The following BRD2 variants were observed in gnomAD, a reference collection of about 807,000 sequenced individuals.
BRD2 encodes bromodomain containing 2, also known as bromodomain-containing protein 2.
A neutral mutation model predicts 79.1 loss-of-function variants in BRD2; 15 were observed. The ratio of observed to expected loss-of-function variants is 0.19; its 90% CI spans 0.13 to 0.29. BRD2 has a LOEUF of 0.29. Among genes scored for constraint, BRD2 ranks in the 10% least tolerant of loss-of-function variants. The pLI, the probability that BRD2 is intolerant of heterozygous loss-of-function variation, is 1.00. For synonymous variants in BRD2, 488 were observed against 358.6 expected (o/e 1.36, Z -4.08); for missense variants, 1,053 against 991.3 (o/e 1.06, Z -0.84).
chr6:32,977,472 G>A lies in BRD2; in HGVS notation c.1231G>A (p.Ala411Thr). The change falls in exon 8 of 13, where the codon GCA becomes ACA. Residue 411 changes from alanine to threonine, a missense_variant. Transcript: ENST00000374825. ...GATGGAGAACCGTGATTACCGGGAT[G>A]CACAGGAGTTTGCTGCTGATGTACG... ...RKMENRDYRD[A>T]QEFAADVRLM... 6.2e-7 allele frequency: 1 copy of A among 1,614,004 alleles called. No homozygotes were observed. Among genetic ancestry groups the A allele is most frequent in the South Asian group, 1.1e-5 (1 of 91,088 alleles).
chr6:32,975,330 C>A, intron 3 of BRD2, 54 bp from the exon 4 acceptor site: 1 of 1,435,632 alleles, frequency 7.0e-7, no homozygotes, highest in Non-Finnish European at 9.5e-7. Context: ...GATCGGTAGT[C>A]TCCCTATAAG....
At chr6:32,974,314 T>A in intron 2 of BRD2, 148 bp from the exon 3 acceptor site, 1 of 774,478 alleles carries the variant, frequency 1.3e-6, no homozygotes, top group Non-Finnish European at 2.1e-6. Context: ...CTCCACAGAT[T>A]GTTTGGATAT....
rs934417963 is a variant in BRD2 at position 32,975,287 on chromosome 6, T to G, written c.334-97T>G. On this transcript the variant is annotated intron_variant, in intron 3 of 12. Transcript: ENST00000374825. ...CTGTTCCTTTGATGCATAGGGGGGG[T>G]GTGTGTGTGTGTGTGTGTGTGTGAG... 6.6e-5 allele frequency: 58 copies of G among 876,214 alleles called. 1 individual carries two copies. The Admixed American group carries it at 6.7e-4, about 10-fold the overall frequency. 54.3% of individuals were successfully genotyped at this position (876,214 alleles called of 1,614,324 possible).
intron 7 of BRD2, 146 bp from the exon 8 acceptor site, chr6:32,977,296 A>G (rs1778894343): frequency 6.3e-7 from 1 of 1,594,346 alleles, no homozygotes. Flanking sequence ...AATTCCTTTG[A>G]CTTCAAACTT....
At chr6:32,973,116 G>A in intron 2 of BRD2, 189 bp downstream of exon 2, 1 of 1,554,518 alleles carries the variant, frequency 6.4e-7, no homozygotes, top group Non-Finnish European at 8.7e-7. Context: ...TACTGCTCGT[G>A]GAGGGGAATA....
rs745403396 is a variant in BRD2 at position 32,975,426 on chromosome 6, A to G, written c.376A>G (p.Ile126Val). 41 of 1,610,852 alleles carry G rather than the reference A, an allele frequency of 2.5e-5. No individual in the cohort carries two copies. The highest frequency in any genetic ancestry group is 3.1e-5 in the Non-Finnish European group (36 of 1,178,244). Residue 126 changes from isoleucine to valine, a missense_variant, in exon 4 of 13, where the codon ATT (isoleucine) becomes GTT (valine). Transcript: ENST00000374825. Reference protein sequence around the residue: ...IIKQPMDMGTIKRRLENNYYW... With the variant: ...IIKQPMDMGTVKRRLENNYYW... ...AAAACAGCCTATGGACATGGGTACTATTAAGAGGAGACTTGAAAACAATTA... is the reference window on the plus strand; with the variant it reads ...AAAACAGCCTATGGACATGGGTACTGTTAAGAGGAGACTTGAAAACAATTA...
At position 32,981,188 on chromosome 6, in the gene BRD2, ACT is replaced by A. The variant is rs939854412; in HGVS notation, c.*473_*474del. On this transcript the variant is annotated 3_prime_UTR_variant, in exon 13 of 13. Transcript: ENST00000374825. ...TTTTTACGTTGATTTTTTTTTTTCT[ACT>A]CTGTTTTCCCTTTTTCCTTCCGCTC... 4 of 149,254 alleles carry A rather than the reference ACT, an allele frequency of 2.7e-5. No homozygotes were observed. Among genetic ancestry groups the A allele is most frequent in the Non-Finnish European group, 4.4e-5 (3 of 68,226 alleles). 9.2% of individuals were successfully genotyped at this position (149,254 alleles called of 1,614,324 possible). A position where few individuals can be genotyped will look rare whatever the true frequency, so the allele number is the denominator to read the frequency against.
chr6:32,980,516 ACTGT>A (rs1779386190), intron 12 of BRD2, 52 bp downstream of exon 12: 5 of 1,612,314 alleles, frequency 3.1e-6, no homozygotes, highest in East Asian at 2.2e-5. Context: ...TGCCTTCTTG[ACTGT>A]CTTTTATTGA....
chr6:32,977,307 G>T (rs746212119), intron 7 of BRD2, 135 bp from the exon 8 acceptor site: 4 of 1,599,822 alleles, frequency 2.5e-6, no homozygotes, highest in Non-Finnish European at 3.4e-6. Context: ...CTTCAAACTT[G>T]AACCCCAGGG....
chr6:32,976,901 A>C lies in BRD2; in HGVS notation c.1165A>C (p.Ile389Leu). ...SALGLHDYHDIIKHPMDLSTV... is the reference protein window; with the variant it reads ...SALGLHDYHDLIKHPMDLSTV... ...ACTTGGCCTGCATGACTACCATGAC[A>C]TCATTAAGCACCCCATGGACCTCAG... The change falls in exon 7 of 13, where the codon ATC becomes CTC. Residue 389 changes from isoleucine (I) to leucine (L), a missense_variant. Ile to Leu is a conservative substitution (Grantham distance 5). Coordinates refer to ENST00000374825, the MANE Select transcript of BRD2 (RefSeq NM_005104.4). 1 of 1,612,852 alleles carries C rather than the reference A, an allele frequency of 6.2e-7. No individual in the cohort carries two copies. Among genetic ancestry groups the C allele is most frequent in the Non-Finnish European group, 8.5e-7 (1 of 1,179,862 alleles).
intron 3 of BRD2, 91 bp from the exon 4 acceptor site, chr6:32,975,281 GGGGGGTGTGTGT>G (rs1778576210): frequency 2.2e-5 from 11 of 492,516 alleles, no homozygotes; most frequent in East Asian, 4.4e-5. Context: ...TGATGCATAG[GGGGGGTGTGTGT>G]GTGTGTGTGT....
In BRD2 at chr6:32,974,539, C is replaced by T. The variant is rs779883033; in HGVS notation, c.107C>T (p.Pro36Leu). ...GCACCAGGGAAGAGGATTCGAAAAC[C>T]CTCTCTCTTGTATGAGGGCTTTGAG... Reference protein sequence around the residue: ...AAAPGKRIRKPSLLYEGFESP... With the variant: ...AAAPGKRIRKLSLLYEGFESP... The change falls in exon 3 of 13, where the codon CCC becomes CTC. Residue 36 changes from proline to leucine, a missense_variant. Physicochemically the swap from Pro to Leu is moderately conservative, Grantham distance 98 (BLOSUM62 -3). Around this residue, in one of 5 missense-constraint regions of BRD2, gnomAD observed 413 missense variants for 335.1 expected, o/e 1.23. Transcript: ENST00000374825. 5.0e-6 allele frequency: 8 copies of T among 1,614,044 alleles called. No individual in the cohort carries two copies. Among genetic ancestry groups the T allele is most frequent in the East Asian group, 4.5e-5 (2 of 44,898 alleles).
rs1778042309 is a variant in BRD2, at chr6:32,971,975, G to A, written c.-924G>A. 1 of 702,726 alleles carries A rather than the reference G, an allele frequency of 1.4e-6. No individual in the cohort carries two copies. Among genetic ancestry groups the A allele is most frequent in the South Asian group, 1.5e-5 (1 of 67,520 alleles). The allele number at this position is 702,726 out of a possible 1,614,324, so 43.5% of individuals were successfully genotyped here. A position where few individuals can be genotyped will look rare whatever the true frequency, so the allele number is the denominator to read the frequency against. ...TGCGGCACTCTTCTGCCTGGTGACTGACACCTTGGAAATGAAGTTTATGAC... is the reference window on the plus strand; with the variant it reads ...TGCGGCACTCTTCTGCCTGGTGACTAACACCTTGGAAATGAAGTTTATGAC... On this transcript the variant is annotated 5_prime_UTR_variant, in exon 2 of 13. It removes the in-frame stop codon of an upstream open reading frame in the 5' UTR. Coordinates refer to ENST00000374825, the MANE Select transcript of BRD2 (RefSeq NM_005104.4).
Position 32,980,900 on chromosome 6 carries a change from G to A in BRD2, c.*182G>A. ...GGGACATTTACTGAAGGAGGGACAT[G>A]GACAAAACAACATTGAATTCCCAGC... On this transcript the variant is annotated 3_prime_UTR_variant, in exon 13 of 13. Coordinates refer to ENST00000374825, the MANE Select transcript of BRD2 (RefSeq NM_005104.4). 1.4e-6 allele frequency: 1 copy of A among 698,532 alleles called. No individual in the cohort carries two copies. The highest frequency in any genetic ancestry group is 2.3e-6 in the Non-Finnish European group (1 of 426,532). 43.3% of individuals were successfully genotyped at this position (698,532 alleles called of 1,614,324 possible).
rs773949105 is a variant in BRD2 at position 32,976,307 on chromosome 6, A to T, written c.668A>T (p.His223Leu). The change falls in exon 6 of 13, where the codon CAC becomes CTC. Residue 223 changes from histidine (H) to leucine (L), a missense_variant. Physicochemically the swap from His to Leu is moderately conservative, Grantham distance 99 (BLOSUM62 -3). Around this residue, in one of 5 missense-constraint regions of BRD2, gnomAD observed 413 missense variants for 335.1 expected, o/e 1.23. Transcript: ENST00000374825. The stretch of plus-strand genomic sequence containing the variant: ...GTGCCTGCCGTCTCTTCTGTGTCAC[A>T]CACAGCCCTGTATACTCCTCCACCT... The part of the protein sequence containing the change: ...HQVPAVSSVS[H>L]TALYTPPPEI... The T allele has an allele frequency of 6.2e-7, 1 of 1,612,782 alleles. No homozygotes were observed. Among genetic ancestry groups the T allele is most frequent in the African/African-American group, 1.3e-5 (1 of 74,858 alleles).
At chr6:32,979,779 G>A (rs1779289955) in intron 10 of BRD2, 49 bp from the exon 11 acceptor site, 1 of 1,572,054 alleles carries the variant, frequency 6.4e-7, no homozygotes, top group Non-Finnish European at 8.6e-7. Context: ...GGAACATACT[G>A]GAAGAGGTTA....
chr6:32,980,307 A>G (rs555032267), intron 11 of BRD2, 35 bp from the exon 12 acceptor site: 1 of 1,609,250 alleles, frequency 6.2e-7, no homozygotes, highest in East Asian at 2.2e-5. Context: ...TGCTTGGGGC[A>G]ATCTTAATGT....
In BRD2 at chr6:32,980,065, A is replaced by T; in HGVS notation, c.2079A>T (p.Pro693=). ...EIEIDFETLK[P]STLRELERYV... is the part of the protein sequence containing the mutation. The stretch of plus-strand genomic sequence containing the variant: ...AGATTGATTTTGAAACACTCAAGCC[A>T]TCCACACTTAGAGAGCTTGAGCGCT... Residue 693 remains proline, a synonymous_variant, in exon 11 of 13, where the codon CCA becomes CCT. Coordinates refer to ENST00000374825, the MANE Select transcript of BRD2 (RefSeq NM_005104.4). 2 of 1,613,024 alleles carry T rather than the reference A, an allele frequency of 1.2e-6. No individual in the cohort carries two copies. Among genetic ancestry groups the T allele is most frequent in the Non-Finnish European group, 8.5e-7 (1 of 1,180,026 alleles).
chr6:32,977,768 G>A lies in BRD2; in HGVS notation c.1341G>A (p.Glu447=), dbSNP rs55650066. Residue 447 remains glutamate, a synonymous_variant, in exon 9 of 13, where the codon GAG becomes GAA. Coordinates refer to ENST00000374825, the MANE Select transcript of BRD2 (RefSeq NM_005104.4). The part of the protein sequence containing the change: ...AMARKLQDVF[E]FRYAKMPDEP... Reference sequence around the variant, plus strand: ...GTGCCTCTTTGTAGGATGTATTTGAGTTCCGTTATGCCAAGATGCCAGATG... The same window carrying A: ...GTGCCTCTTTGTAGGATGTATTTGAATTCCGTTATGCCAAGATGCCAGATG... The A allele has an allele frequency of 3.1e-5, 50 of 1,613,072 alleles. No individual in the cohort carries two copies. In the East Asian group the frequency reaches 5.3e-4, roughly 17 times the overall value.
Sources: gnomAD v4.1 joint callset for allele counts on GRCh38, gnomAD v4.1.1 for gene constraint, gnomAD v4.1.1 regional missense constraint, MANE v1.5 for transcripts, NCBI Gene and HGNC (gene_info 2026-07-23, HGNC 2026-07-21) for gene names.